Variants in ADPRHL1 observed in about 807,000 individuals in gnomAD.
The protein encoded by ADPRHL1 is ADP-ribosylhydrolase like 1.
In ADPRHL1, 43 loss-of-function variants were observed where a neutral mutation model predicts 44.1. That is an observed-to-expected ratio of 0.98 (90% CI 0.76 to 1.26). ADPRHL1 has a LOEUF of 1.26. ADPRHL1 is among the 50% of genes most tolerant of loss of function. ADPRHL1 has a pLI of 0.00. For synonymous variants in ADPRHL1, 878 were observed against 1,017.4 expected, an observed-to-expected ratio of 0.86 and a Z score of 2.61; for missense variants, 2,022 against 2,496.9, an observed-to-expected ratio of 0.81 and a Z score of 4.05.
rs1056099747 is a variant in ADPRHL1 at position 113,406,381 on chromosome 13, A to G, written c.2901T>C (p.Gly967=). The change falls in exon 8 of 8, where the codon GGT becomes GGC. Residue 967 remains glycine, a synonymous_variant. Coordinates refer to ENST00000612156, the MANE Select transcript of ADPRHL1 (RefSeq NM_001394807.1). ...ENKGSFENSH[G]PRNPDDISGE... ...CTGAAATATCGTCAGGATTCCTGGG[A>G]CCGTGTGAATTCTCAAAGCTGCCTT... The G allele has an allele frequency of 4.1e-6, 5 of 1,231,930 alleles. No homozygotes were observed. The African/African-American group carries it at 6.2e-5, about 15-fold the overall frequency. The allele number at this position is 1,231,930 out of a possible 1,614,324, so 76.3% of individuals were successfully genotyped here. A position where few individuals can be genotyped will look rare whatever the true frequency, so the allele number is the denominator to read the frequency against.
intron 3 of ADPRHL1, among the ~76,000 whole-genome samples, chr13:113,430,483 A>G (rs897282466): frequency 6.6e-6 from 1 of 152,138 alleles, no homozygotes; most frequent in Admixed American, 6.5e-5. Flanking sequence ...AGGACTAGTG[A>G]CGGCCGTGGT....
In ADPRHL1 at chr13:113,404,928, C is replaced by T. The variant is rs555292903; in HGVS notation, c.4354G>A (p.Glu1452Lys). ...CCCCACGCCGTGCTCCGCCCCCGCT[C>T]CTCCCAGGGTCCCTGCAGATGCTGC... ...GQQHLQGPWE[E>K]RGRSTAWGEG... The change falls in exon 8 of 8, where the codon GAG (glutamate) becomes AAG (lysine). Residue 1452 changes from glutamate (E) to lysine (K), a missense_variant. Physicochemically the swap from Glu to Lys is moderately conservative, Grantham distance 56 (BLOSUM62 1). Around this residue, in one of 8 missense-constraint regions of ADPRHL1, gnomAD observed 1,221 missense variants for 1,517.8 expected, o/e 0.80. Coordinates refer to ENST00000612156, the MANE Select transcript of ADPRHL1 (RefSeq NM_001394807.1). 7.0e-5 allele frequency: 87 copies of T among 1,244,390 alleles called. No homozygotes were observed. The South Asian group carries it at 2.5e-3, about 36-fold the overall frequency. 77.1% of individuals were successfully genotyped at this position (1,244,390 alleles called of 1,614,324 possible).
At position 113,441,045 on chromosome 13, in the gene ADPRHL1, T is replaced by C. The variant is rs571408533; in HGVS notation, c.379+3380A>G. On this transcript the variant is annotated intron_variant, in intron 2 of 7. Coordinates refer to ENST00000612156, the MANE Select transcript of ADPRHL1 (RefSeq NM_001394807.1). This position sits in a 1 kb window ranked among gnomAD's most constrained non-coding sequence, Gnocchi z 6.0. ...GTGGGCGCCCGTAGTCCCAGCTACT[T>C]GGGAGGTGGAGGCAGGAGAATCAGC... Among the ~76,000 whole-genome samples, 2 of 151,996 alleles carry C rather than the reference T, an allele frequency of 1.3e-5. No individual in the cohort carries two copies. Among genetic ancestry groups the C allele is most frequent in the African/African-American group, 2.4e-5 (1 of 41,462 alleles).
chr13:113,412,853 A>AG (rs1445122445), intron 7 of ADPRHL1, among the ~76,000 whole-genome samples: 16 of 53,112 alleles, frequency 3.0e-4, no homozygotes, highest in South Asian at 1.7e-3. Flanking sequence ...CGCCCCGCAG[A>AG]GCTCGGTTCA....
intron 7 of ADPRHL1, among the ~76,000 whole-genome samples, chr13:113,418,260 G>C (rs563418881): frequency 6.6e-6 from 1 of 152,310 alleles, no homozygotes; most frequent in Non-Finnish European, 1.5e-5. Context: ...GAATAGACAG[G>C]GGAAATAACA....
At chr13:113,434,237 A>C (rs1305431856) in intron 2 of ADPRHL1, among the ~76,000 whole-genome samples, 1 of 152,118 alleles carries the variant, frequency 6.6e-6, no homozygotes, top group Non-Finnish European at 1.5e-5. Context: ...TAAGATTTTT[A>C]TACTGGTGTA....
chr13:113,445,837 A>C (rs1478345193), intron 1 of ADPRHL1, among the ~76,000 whole-genome samples: 1 of 144,646 alleles, frequency 6.9e-6, no homozygotes, highest in Non-Finnish European at 1.5e-5. Context: ...GTAGCTGCAA[A>C]CCCCTGGCGA....
Position 113,429,195 on chromosome 13 carries a change from C to T in ADPRHL1, c.506-103G>A, listed in dbSNP as rs1465610024. The T allele has an allele frequency of 7.6e-6, 11 of 1,451,212 alleles. No individual in the cohort carries two copies. In the East Asian group the frequency reaches 9.9e-5, roughly 13 times the overall value. 89.9% of individuals were successfully genotyped at this position (1,451,212 alleles called of 1,614,324 possible). On this transcript the variant is annotated intron_variant, in intron 3 of 7. Transcript: ENST00000612156. ...TGGGACTCCCGAGGAAGGGTTTGCT[C>T]GTTTTCCGTCTTTCCCATGTTCAGG...
chr13:113,405,036 T>C lies in ADPRHL1; in HGVS notation c.4246A>G (p.Thr1416Ala). The C allele has an allele frequency of 8.1e-7, 1 of 1,232,716 alleles. No individual in the cohort carries two copies. Among genetic ancestry groups the C allele is most frequent in the Non-Finnish European group, 1.0e-6 (1 of 988,624 alleles). The allele number at this position is 1,232,716 out of a possible 1,614,324, so 76.4% of individuals were successfully genotyped here. A position where few individuals can be genotyped will look rare whatever the true frequency, so the allele number is the denominator to read the frequency against. Reference sequence around the variant, plus strand: ...CCGGCCAGATCCTGTGCCCACCATGTCTGAGGCTCTTTTGCTGGGTTCAGC... The same window carrying C: ...CCGGCCAGATCCTGTGCCCACCATGCCTGAGGCTCTTTTGCTGGGTTCAGC... Reference protein sequence around the residue: ...VVLNPAKEPQTWWAQDLAGDK... With the variant: ...VVLNPAKEPQAWWAQDLAGDK... The change falls in exon 8 of 8, where the codon ACA (threonine) becomes GCA (alanine). Residue 1416 changes from threonine to alanine, a missense_variant. By Grantham distance (58) the Thr-to-Ala change is moderately conservative. Coordinates refer to ENST00000612156, the MANE Select transcript of ADPRHL1 (RefSeq NM_001394807.1).
intron 1 of ADPRHL1, among the ~76,000 whole-genome samples, chr13:113,448,006 C>T (rs1238386967): frequency 6.6e-6 from 1 of 152,198 alleles, no homozygotes; most frequent in Non-Finnish European, 1.5e-5. Flanking sequence ...GAAATTTAGC[C>T]TTTTCAAAGC....
intron 3 of ADPRHL1, 122 bp from the exon 4 acceptor site, chr13:113,429,214 G>A (rs538371900): frequency 7.5e-7 from 1 of 1,329,250 alleles, no homozygotes; most frequent in African/African-American, 1.5e-5. Context: ...TCTTTCCCAT[G>A]TTCAGGTGCA....
In ADPRHL1 at chr13:113,407,802, C is replaced by G; in HGVS notation, c.1480G>C (p.Gly494Arg). ...KPCLSEKPRW[G>R]HPAGKSTVKN... is the part of the protein sequence containing the mutation. ...ACGGTGCTCTTCCCGGCCGGGTGGC[C>G]CCAGCGGGGCTTCTCGCTGAGGCAG... The change falls in exon 8 of 8, where the codon GGC (glycine) becomes CGC (arginine). Residue 494 changes from glycine to arginine, a missense_variant. Around this residue, in one of 8 missense-constraint regions of ADPRHL1, gnomAD observed 1,221 missense variants for 1,517.8 expected, o/e 0.80. Coordinates refer to ENST00000612156, the MANE Select transcript of ADPRHL1 (RefSeq NM_001394807.1). The G allele has an allele frequency of 4.9e-6, 6 of 1,231,934 alleles. No homozygotes were observed. Among genetic ancestry groups the G allele is most frequent in the Non-Finnish European group, 6.1e-6 (6 of 987,972 alleles). 76.3% of individuals were successfully genotyped at this position (1,231,934 alleles called of 1,614,324 possible).
At position 113,405,978 on chromosome 13, in the gene ADPRHL1, C is replaced by CAA; in HGVS notation, c.3303_3304insTT (p.Glu1102LeufsTer8). ...GCTTTCATACCTGGTTTGGGTGGTT[C>CAA]ATTTAATGAGGACAGTGGGTTCTCG... On this transcript the variant is annotated frameshift_variant, in exon 8 of 8. Coordinates refer to ENST00000612156, the MANE Select transcript of ADPRHL1 (RefSeq NM_001394807.1). LOFTEE classifies it low-confidence loss of function (END_TRUNC). The CAA allele has an allele frequency of 8.1e-7, 1 of 1,232,102 alleles. No homozygotes were observed. Among genetic ancestry groups the CAA allele is most frequent in the Non-Finnish European group, 1.0e-6 (1 of 988,050 alleles). 76.3% of individuals were successfully genotyped at this position (1,232,102 alleles called of 1,614,324 possible).
At chr13:113,432,989 A>T (rs2044017734) in intron 3 of ADPRHL1, among the ~76,000 whole-genome samples, 1 of 152,162 alleles carries the variant, frequency 6.6e-6, no homozygotes, top group South Asian at 2.1e-4. Flanking sequence ...GGCCTCTCAG[A>T]GGCCTGCCCT....
intron 4 of ADPRHL1, among the ~76,000 whole-genome samples, chr13:113,427,817 G>A (rs1437489414): frequency 1.3e-5 from 2 of 152,266 alleles, no homozygotes; most frequent in African/African-American, 2.4e-5. Flanking sequence ...CATCAGCACA[G>A]GCCTGGTGGC....
rs61165256 is a variant in ADPRHL1 at position 113,419,118 on chromosome 13, C to CTT, written c.1061+3706_1061+3707dup. ...CCCTCCCTTTCTTTTTTCTTTCTTT[C>CTT]TTTTTTTTTTCAGGGTCTTACTGTG... On this transcript the variant is annotated intron_variant, in intron 7 of 7. Coordinates refer to ENST00000612156, the MANE Select transcript of ADPRHL1 (RefSeq NM_001394807.1). 4.9e-3 allele frequency among the ~76,000 whole-genome samples: 307 copies of CTT among 62,986 alleles called. 18 individuals are homozygous for CTT. The highest frequency in any genetic ancestry group is 0.018 in the African/African-American group (281 of 15,278). The allele number at this position is 62,986 out of a possible 152,430, so 41.3% of individuals were successfully genotyped here. A position where few individuals can be genotyped will look rare whatever the true frequency, so the allele number is the denominator to read the frequency against.
At chr13:113,423,848 T>C (rs1468559646) in intron 6 of ADPRHL1, among the ~76,000 whole-genome samples, 12 of 152,186 alleles carry the variant, frequency 7.9e-5, no homozygotes, top group Admixed American at 4.6e-4. Context: ...CCTGTGAAGG[T>C]GGCCAGCCTG....
chr13:113,447,181 G>A (rs566905627), intron 1 of ADPRHL1, among the ~76,000 whole-genome samples: 1 of 147,458 alleles, frequency 6.8e-6, no homozygotes, highest in African/African-American at 2.5e-5. Context: ...GTGTGTGCAT[G>A]GCGTCTACAC....
At chr13:113,439,191 C>T (rs983405984) in intron 2 of ADPRHL1, among the ~76,000 whole-genome samples, 2 of 152,050 alleles carry the variant, frequency 1.3e-5, no homozygotes, top group African/African-American at 4.8e-5. Flanking sequence ...GGCACAATCT[C>T]AGCTCACTGC....
Sources: allele counts gnomAD v4.1 joint callset (sites outside exome capture counted in the v4.1 genomes callset), GRCh38; gene constraint gnomAD v4.1.1; regional missense constraint gnomAD v4.1.1; non-coding constraint Gnocchi (gnomAD v3.1); transcripts MANE v1.5; gene names NCBI Gene and HGNC (gene_info 2026-07-23, HGNC 2026-07-21).